Variants in MAN1C1 observed in about 807,000 individuals in gnomAD.
MAN1C1 encodes mannosidase alpha class 1C member 1.
In MAN1C1, 49 loss-of-function variants were observed where a neutral mutation model predicts 71.5. The observed-to-expected ratio is 0.69, with a 90% CI of 0.54 to 0.87. The LOEUF (loss-of-function observed/expected upper bound fraction) is 0.87. Ranked by LOEUF, MAN1C1 falls within the 40% of genes least tolerant of loss-of-function variation. The pLI is 0.00. For synonymous variants in MAN1C1, 352 were observed against 343.7 expected, an observed-to-expected ratio of 1.02 and a Z score of -0.27; for missense variants, 743 against 835.0, an observed-to-expected ratio of 0.89 and a Z score of 1.36.
intron 5 of MAN1C1, 83 bp from the exon 6 acceptor site, chr1:25,758,509 C>T: frequency 8.4e-7 from 1 of 1,196,130 alleles, no homozygotes; most frequent in South Asian, 1.2e-5. Flanking sequence ...GTAGGTGCCC[C>T]CACCGAGCAG....
Position 25,750,454 on chromosome 1 carries a change from G to GC in MAN1C1, c.834+1125dup, listed in dbSNP as rs1572193923. 4.0e-5 allele frequency among the ~76,000 whole-genome samples: 6 copies of GC among 151,696 alleles called. No individual in the cohort carries two copies. In the East Asian group the frequency reaches 1.2e-3, roughly 29 times the overall value. ...CACCCAGAGACAAATAATGATGCCT[G>GC]CCCCCCGCCACCCAAGGAGCCATGG... On this transcript the variant is annotated intron_variant, in intron 4 of 11. Coordinates refer to ENST00000374332, the MANE Select transcript of MAN1C1 (RefSeq NM_020379.4).
At position 25,746,851 on chromosome 1, in the gene MAN1C1, C is replaced by A; in HGVS notation, c.753+68C>A. 1.9e-6 allele frequency: 2 copies of A among 1,054,010 alleles called. No homozygotes were observed. Among genetic ancestry groups the A allele is most frequent in the Non-Finnish European group, 2.8e-6 (2 of 710,574 alleles). The allele number at this position is 1,054,010 out of a possible 1,614,324, so 65.3% of individuals were successfully genotyped here. On this transcript the variant is annotated intron_variant, in intron 3 of 11. Transcript: ENST00000374332. This position sits in a 1 kb window ranked among gnomAD's most constrained non-coding sequence, Gnocchi z 4.0. ...AAGAGGCCCAACAGCCAGCTTCACC[C>A]TGTCATCTCTGAGACCCAGAGATGT... is the stretch of plus-strand genomic sequence containing the variant.
At chr1:25,688,130 C>G (rs900673614) in intron 2 of MAN1C1, among the ~76,000 whole-genome samples, 3 of 152,136 alleles carry the variant, frequency 2.0e-5, no homozygotes, top group Non-Finnish European at 4.4e-5. Flanking sequence ...CAAGACTTAT[C>G]TTTGTGCATA....
chr1:25,643,753 C>T (rs555203978), intron 1 of MAN1C1, among the ~76,000 whole-genome samples: 53 of 152,006 alleles, frequency 3.5e-4, no homozygotes, highest in Middle Eastern at 3.4e-3. Context: ...GTGATCCACC[C>T]GCCTCTGCCT....
chr1:25,680,601 C>T (rs911025419), intron 1 of MAN1C1, among the ~76,000 whole-genome samples: 1 of 152,220 alleles, frequency 6.6e-6, no homozygotes, highest in Non-Finnish European at 1.5e-5. Flanking sequence ...TTTCACTAAT[C>T]GTAGTATCTC....
chr1:25,686,261 A>G (rs1434282152), intron 1 of MAN1C1, among the ~76,000 whole-genome samples, 179 bp from the exon 2 acceptor site: 1 of 152,230 alleles, frequency 6.6e-6, no homozygotes, highest in African/African-American at 2.4e-5. Context: ...TGACCTTCCC[A>G]GCAGCTATAA....
rs765199500 is a variant in MAN1C1 at position 25,679,978 on chromosome 1, T to TAC, written c.541-6446_541-6445dup. On this transcript the variant is annotated intron_variant, in intron 1 of 11. Coordinates refer to ENST00000374332, the MANE Select transcript of MAN1C1 (RefSeq NM_020379.4). The stretch of plus-strand genomic sequence containing the variant: ...ATATATATATATATATATATATATA[T>TAC]ACACACACACACACACATATATATA... Among the ~76,000 whole-genome samples, 105 of 127,190 alleles carry TAC rather than the reference T, an allele frequency of 8.3e-4. 1 individual carries two copies. Among genetic ancestry groups the TAC allele is most frequent in the African/African-American group, 1.9e-3 (59 of 30,880 alleles). 83.4% of individuals were successfully genotyped at this position (127,190 alleles called of 152,430 possible).
intron 1 of MAN1C1, among the ~76,000 whole-genome samples, chr1:25,662,070 CCTCT>C (rs982034303): frequency 3.3e-5 from 5 of 152,178 alleles, no homozygotes; most frequent in Admixed American, 3.3e-4. Context: ...TAGTCAGCCT[CCTCT>C]CTCTCTGTTG....
chr1:25,726,443 T>C (rs1487004654), intron 2 of MAN1C1, among the ~76,000 whole-genome samples: 1 of 152,148 alleles, frequency 6.6e-6, no homozygotes, highest in Non-Finnish European at 1.5e-5. Context: ...GACTACCAGA[T>C]CCCATCCAAT....
At chr1:25,639,005 T>A (rs796866539) in intron 1 of MAN1C1, among the ~76,000 whole-genome samples, 7 of 152,282 alleles carry the variant, frequency 4.6e-5, no homozygotes, top group African/African-American at 1.7e-4. Flanking sequence ...CTTGATATCA[T>A]CCTAGAGGTC....
At chr1:25,762,735 A>AT (rs1339798354) in intron 6 of MAN1C1, among the ~76,000 whole-genome samples, 2 of 151,628 alleles carry the variant, frequency 1.3e-5, no homozygotes, top group Non-Finnish European at 2.9e-5. Flanking sequence ...GCTATACCAC[A>AT]TTTTTTTTAT....
At chr1:25,772,689 C>T (rs2047570107) in intron 8 of MAN1C1, among the ~76,000 whole-genome samples, 1 of 152,208 alleles carries the variant, frequency 6.6e-6, no homozygotes, top group African/African-American at 2.4e-5. Flanking sequence ...GCCAGAAGAG[C>T]TGGACACGCA....
intron 7 of MAN1C1, among the ~76,000 whole-genome samples, chr1:25,768,174 ACC>A: frequency 9.4e-6 from 1 of 106,360 alleles, no homozygotes; most frequent in Non-Finnish European, 1.9e-5. Flanking sequence ...CCCCTCACAC[ACC>A]CACAGTCCCC....
At chr1:25,666,222 G>C (rs1016888010) in intron 1 of MAN1C1, among the ~76,000 whole-genome samples, 1 of 152,092 alleles carries the variant, frequency 6.6e-6, no homozygotes, top group South Asian at 2.1e-4. Context: ...GACTTTTAAC[G>C]GTTTAAATAG....
At chr1:25,717,581 T>C (rs576822894) in intron 2 of MAN1C1, among the ~76,000 whole-genome samples, 1 of 151,424 alleles carries the variant, frequency 6.6e-6, no homozygotes, top group East Asian at 1.9e-4. Flanking sequence ...TTTCCTTTTT[T>C]TTTTTTTTTT....
chr1:25,626,782 T>C (rs1464770770), intron 1 of MAN1C1, among the ~76,000 whole-genome samples: 5 of 152,222 alleles, frequency 3.3e-5, no homozygotes, highest in Admixed American at 3.3e-4. Flanking sequence ...ATATTCTAGA[T>C]ACAAGTTCTT....
intron 1 of MAN1C1, among the ~76,000 whole-genome samples, chr1:25,624,804 G>T (rs1479506632): frequency 6.6e-6 from 1 of 152,002 alleles, no homozygotes; most frequent in African/African-American, 2.4e-5. Context: ...AATCATTCTT[G>T]CTGGCCTCGT....
chr1:25,748,229 C>T (rs1010122141), intron 3 of MAN1C1, among the ~76,000 whole-genome samples: 3 of 152,124 alleles, frequency 2.0e-5, no homozygotes, highest in African/African-American at 7.2e-5. Flanking sequence ...CACTCGACCT[C>T]GAACCTTGAC....
chr1:25,704,065 G>A (rs746765470), intron 2 of MAN1C1, among the ~76,000 whole-genome samples: 26 of 152,026 alleles, frequency 1.7e-4, no homozygotes, highest in Non-Finnish European at 2.9e-4. Context: ...CCTTCATCCC[G>A]GCTCCTGTCT....
Sources: gnomAD v4.1 joint callset for allele counts (sites outside exome capture counted in the v4.1 genomes callset) on GRCh38, gnomAD v4.1.1 for gene constraint, Gnocchi (gnomAD v3.1) non-coding constraint, MANE v1.5 for transcripts, NCBI Gene and HGNC (gene_info 2026-07-23, HGNC 2026-07-21) for gene names.